The following MAGI2 variants were observed in gnomAD, a reference collection of about 807,000 sequenced individuals.
The protein encoded by MAGI2 is membrane-associated guanylate kinase, WW and PDZ domain-containing protein 2.
Under a neutral mutation model 133.3 loss-of-function variants are expected in MAGI2, and 35 were observed. The observed-to-expected ratio is 0.26, with a 90% CI of 0.20 to 0.35. The LOEUF is 0.35. Among genes scored for constraint, MAGI2 ranks in the 10% least tolerant of loss-of-function variants. The pLI is 1.00. For missense variants in MAGI2, 1,636 were observed against 1,863.4 expected, an observed-to-expected ratio of 0.88 and a Z score of 2.25; for synonymous variants, 729 against 710.6, an observed-to-expected ratio of 1.03 and a Z score of -0.41.
At chr7:78,620,153 T>C (rs1406710540) in intron 3 of MAGI2, among the ~76,000 whole-genome samples, 2 of 151,976 alleles carry the variant, frequency 1.3e-5, no homozygotes, top group Non-Finnish European at 1.5e-5. Context: ...AATCTAAGCA[T>C]TGACATGCCT....
chr7:78,411,971 G>T (rs754078483), intron 6 of MAGI2, among the ~76,000 whole-genome samples: 13 of 151,948 alleles, frequency 8.6e-5, no homozygotes, highest in Non-Finnish European at 1.9e-4. Context: ...TGGTCCTAAG[G>T]CTTTGGCAAT....
intron 1 of MAGI2, among the ~76,000 whole-genome samples, chr7:79,177,479 C>T (rs1199419120): frequency 2.0e-5 from 3 of 151,996 alleles, no homozygotes; most frequent in African/African-American, 7.3e-5. Context: ...TGATAGTTTT[C>T]CTTGCCTTTG....
At chr7:79,380,533 A>G (rs1389403249) in intron 1 of MAGI2, among the ~76,000 whole-genome samples, 1 of 151,792 alleles carries the variant, frequency 6.6e-6, no homozygotes, top group Non-Finnish European at 1.5e-5. Context: ...GCCCCACTTG[A>G]CAGCTGAGGG....
At chr7:78,687,585 G>A (rs1027624087) in intron 2 of MAGI2, among the ~76,000 whole-genome samples, 1 of 152,076 alleles carries the variant, frequency 6.6e-6, no homozygotes, top group African/African-American at 2.4e-5. Context: ...TCCAATAAAT[G>A]TATGTTGAAT....
intron 10 of MAGI2, chr7:78,255,143 C>T (rs1792835853): frequency 6.6e-6 from 1 of 152,326 alleles, no homozygotes; most frequent in South Asian, 2.1e-4. Flanking sequence ...CAGAGCAAAG[C>T]AGCAGAGGTG....
At chr7:78,048,191 A>C (rs1387354610) in intron 21 of MAGI2, among the ~76,000 whole-genome samples, 1 of 152,184 alleles carries the variant, frequency 6.6e-6, no homozygotes, top group African/African-American at 2.4e-5. Context: ...TTAAATGGCA[A>C]CCAAATGGAC....
At chr7:79,002,759 C>T (rs1807007490) in intron 2 of MAGI2, among the ~76,000 whole-genome samples, 1 of 151,744 alleles carries the variant, frequency 6.6e-6, no homozygotes, top group African/African-American at 2.4e-5. Context: ...TGTTACAGAA[C>T]TCAATATATA....
At position 79,306,016 on chromosome 7, in the gene MAGI2, C is replaced by T. The variant is rs114184459; in HGVS notation, c.301+147004G>A. Reference sequence around the variant, plus strand: ...TTTTTTTTTTTTTCCTTTTTGGAGACGAGGCAGGGTGGGGGTGTCTTCCTC... The same window carrying T: ...TTTTTTTTTTTTTCCTTTTTGGAGATGAGGCAGGGTGGGGGTGTCTTCCTC... On this transcript the variant is annotated intron_variant, in intron 1 of 21. Transcript: ENST00000354212. Among the ~76,000 whole-genome samples the T allele has an allele frequency of 7.5e-3, 1,083 of 144,084 alleles. 12 individuals are homozygous for T. The highest frequency in any genetic ancestry group is 0.022 in the African/African-American group (836 of 38,774). The allele number at this position is 144,084 out of a possible 152,430, so 94.5% of individuals were successfully genotyped here.
intron 2 of MAGI2, among the ~76,000 whole-genome samples, chr7:78,681,054 C>A (rs961097860): frequency 1.3e-5 from 2 of 152,132 alleles, no homozygotes; most frequent in Admixed American, 1.3e-4. Context: ...GTGGGATTAT[C>A]CTGCTCATTG....
At chr7:78,939,116 C>T (rs543632045) in intron 2 of MAGI2, among the ~76,000 whole-genome samples, 2 of 152,106 alleles carry the variant, frequency 1.3e-5, no homozygotes, top group African/African-American at 4.8e-5. Context: ...GCCTTGGCCT[C>T]CCAAGTAGCT....
chr7:78,836,364 A>T lies in MAGI2; in HGVS notation c.418+170726T>A, dbSNP rs1237514815. 2.0e-5 allele frequency among the ~76,000 whole-genome samples: 3 copies of T among 152,316 alleles called. No individual in the cohort carries two copies. In the South Asian group the frequency reaches 6.2e-4, roughly 32 times the overall value. On this transcript the variant is annotated intron_variant, in intron 2 of 21. Coordinates refer to ENST00000354212, the MANE Select transcript of MAGI2 (RefSeq NM_012301.4). Reference sequence around the variant, plus strand: ...ACAGACTGCATATGCATTATGGCACAGTATCAGATCTTTTCAAATATTAAT... The same window carrying T: ...ACAGACTGCATATGCATTATGGCACTGTATCAGATCTTTTCAAATATTAAT...
intron 3 of MAGI2, among the ~76,000 whole-genome samples, chr7:78,538,326 A>G (rs547674803): frequency 6.6e-6 from 1 of 152,276 alleles, no homozygotes; most frequent in East Asian, 1.9e-4. Context: ...TTTTAGTTCC[A>G]TATGAATTTT....
chr7:78,389,857 TA>T (rs1795741362), intron 6 of MAGI2, among the ~76,000 whole-genome samples: 1 of 152,228 alleles, frequency 6.6e-6, no homozygotes, highest in Non-Finnish European at 1.5e-5. Context: ...AATGTTTTAG[TA>T]AAAACTATGA....
Position 78,386,761 on chromosome 7 carries a change from T to C in MAGI2, c.1046-17548A>G, listed in dbSNP as rs539714294. 8.5e-5 allele frequency among the ~76,000 whole-genome samples: 13 copies of C among 152,290 alleles called. No homozygotes were observed. In the South Asian group the frequency reaches 2.3e-3, roughly 27 times the overall value. On this transcript the variant is annotated intron_variant, in intron 6 of 21. Coordinates refer to ENST00000354212, the MANE Select transcript of MAGI2 (RefSeq NM_012301.4). ...CTCAGCAACTTTGGAAGACTCTACA[T>C]GCAAACACGAAAACTATTCAACAGC...
At chr7:79,213,308 ACACACACGT>A (rs1829670893) in intron 1 of MAGI2, among the ~76,000 whole-genome samples, 1 of 148,530 alleles carries the variant, frequency 6.7e-6, no homozygotes, top group Non-Finnish European at 1.5e-5. Context: ...GTGTGTATTT[ACACACACGT>A]ACACACGTAC....
chr7:78,267,032 G>T (rs1308472501), intron 9 of MAGI2, among the ~76,000 whole-genome samples: 2 of 152,130 alleles, frequency 1.3e-5, no homozygotes, highest in Non-Finnish European at 2.9e-5. Flanking sequence ...GGAGCTGCTT[G>T]GTCGGAGAAG....
At chr7:78,207,281 T>C (rs1302867773) in intron 10 of MAGI2, among the ~76,000 whole-genome samples, 1 of 152,200 alleles carries the variant, frequency 6.6e-6, no homozygotes, top group Admixed American at 6.5e-5. Flanking sequence ...ACATTCTCAC[T>C]ACATTTCTGA....
At chr7:79,392,710 GT>G (rs1457726398) in intron 1 of MAGI2, among the ~76,000 whole-genome samples, 1 of 151,984 alleles carries the variant, frequency 6.6e-6, no homozygotes, top group African/African-American at 2.4e-5. Flanking sequence ...GGAGTTACTT[GT>G]TTTTTTCTTG....
chr7:78,460,388 T>C (rs1376135623), intron 6 of MAGI2, among the ~76,000 whole-genome samples: 1 of 152,262 alleles, frequency 6.6e-6, no homozygotes, highest in Non-Finnish European at 1.5e-5. Flanking sequence ...GTACTTGTTC[T>C]AAGTGTCAAA....
Sources: gnomAD v4.1 joint callset for allele counts (sites outside exome capture counted in the v4.1 genomes callset) on GRCh38, gnomAD v4.1.1 for gene constraint, MANE v1.5 for transcripts, NCBI Gene and HGNC (gene_info 2026-07-23, HGNC 2026-07-21) for gene names.